PAPPA: variants seen among roughly 807,000 people sequenced by gnomAD.
PAPPA encodes pappalysin 1, also known as pappalysin-1.
PAPPA carries 60 observed loss-of-function variants against 164.0 expected under a neutral mutation model. The ratio of observed to expected loss-of-function variants is 0.37; its 90% CI spans 0.30 to 0.45. The LOEUF (loss-of-function observed/expected upper bound fraction) is 0.45, where lower values mean the gene tolerates loss of function less well. Ranked by LOEUF, PAPPA falls within the 20% of genes least tolerant of loss-of-function variation. The pLI is 1.00. For missense variants in PAPPA, 1,782 were observed against 2,087.3 expected, an observed-to-expected ratio of 0.85 and a Z score of 2.85; for synonymous variants, 875 against 814.1, an observed-to-expected ratio of 1.07 and a Z score of -1.27.
chr9:116,298,823 A>G (rs557396282), intron 9 of PAPPA, among the ~76,000 whole-genome samples: 12 of 152,278 alleles, frequency 7.9e-5, no homozygotes, highest in African/African-American at 2.9e-4. Context: ...ATTATTATCA[A>G]TGCTACCTAG....
intron 18 of PAPPA, among the ~76,000 whole-genome samples, chr9:116,363,872 C>A (rs1332502626): frequency 6.6e-6 from 1 of 152,216 alleles, no homozygotes; most frequent in Non-Finnish European, 1.5e-5. Flanking sequence ...AGCAGAAGTT[C>A]TTCACTGTAA....
intron 13 of PAPPA, among the ~76,000 whole-genome samples, chr9:116,343,148 C>T (rs979012203): frequency 6.6e-6 from 1 of 152,116 alleles, no homozygotes; most frequent in Non-Finnish European, 1.5e-5. Context: ...AAATGAGTAA[C>T]GCTTAGCTCA....
At chr9:116,261,095 C>T (rs943088633) in intron 7 of PAPPA, among the ~76,000 whole-genome samples, 2 of 152,178 alleles carry the variant, frequency 1.3e-5, no homozygotes, top group Non-Finnish European at 2.9e-5. Context: ...TTAGTTTCCT[C>T]ATCTCACAAG....
At chr9:116,374,604 T>C (rs1440614953) in intron 19 of PAPPA, among the ~76,000 whole-genome samples, 1 of 152,236 alleles carries the variant, frequency 6.6e-6, no homozygotes. Context: ...CAAACTCACG[T>C]CAGGTAAACC....
Position 116,153,943 on chromosome 9 carries a change from A to G in PAPPA, c.-230A>G. The G allele has an allele frequency of 3.2e-6, 1 of 314,112 alleles. No homozygotes were observed. 19.5% of individuals were successfully genotyped at this position (314,112 alleles called of 1,614,324 possible). ...ATAAGGCAGATAAAGGAGCGGGGAG[A>G]GAAATTAATTGCCAACCAGGAGGAG... is the stretch of plus-strand genomic sequence containing the variant. On this transcript the variant is annotated 5_prime_UTR_variant, in exon 1 of 22. Coordinates refer to ENST00000328252, the MANE Select transcript of PAPPA (RefSeq NM_002581.5).
intron 5 of PAPPA, among the ~76,000 whole-genome samples, chr9:116,226,707 C>T (rs920118796): frequency 9.9e-5 from 15 of 152,178 alleles, no homozygotes; most frequent in African/African-American, 3.4e-4. Flanking sequence ...CCCAGAGACT[C>T]TATAGCCAAA....
chr9:116,316,625 A>C (rs1298437772), intron 10 of PAPPA: 1 of 152,224 alleles, frequency 6.6e-6, no homozygotes, highest in African/African-American at 2.4e-5. Context: ...TGTACATCAC[A>C]GTCACTGTTT....
In PAPPA at chr9:116,154,562, C is replaced by G. The variant is rs2118963359; in HGVS notation, c.390C>G (p.Gly130=). Residue 130 remains glycine, a synonymous_variant, in exon 1 of 22, where the codon GGC becomes GGG. Transcript: ENST00000328252. The surrounding 1 kb of genome is among the most constrained non-coding windows in gnomAD (Gnocchi z 5.2). Reference sequence around the variant, plus strand: ...AAGTGTGGCTGCGAGCGGAGGGGGGCCAGAGGTCTCCGGCAGTGATCACAG... The same window carrying G: ...AAGTGTGGCTGCGAGCGGAGGGGGGGCAGAGGTCTCCGGCAGTGATCACAG... The part of the protein sequence containing the change: ...TLQVWLRAEG[G]QRSPAVITGL... 1.4e-6 allele frequency: 2 copies of G among 1,403,804 alleles called. No homozygotes were observed. The highest frequency in any genetic ancestry group is 3.1e-5 in the East Asian group (1 of 32,722). The allele number at this position is 1,403,804 out of a possible 1,614,324, so 87.0% of individuals were successfully genotyped here.
chr9:116,304,177 T>C (rs1845615239), intron 10 of PAPPA, among the ~76,000 whole-genome samples: 1 of 152,238 alleles, frequency 6.6e-6, no homozygotes, highest in Admixed American at 6.5e-5. Flanking sequence ...GAAGTATCTA[T>C]TTGTCTGTCT....
Position 116,362,690 on chromosome 9 carries a change from C to A in PAPPA, c.4446C>A (p.Asn1482Lys). 6.2e-7 allele frequency: 1 copy of A among 1,614,064 alleles called. No individual in the cohort carries two copies. The highest frequency in any genetic ancestry group is 8.5e-7 in the Non-Finnish European group (1 of 1,179,978). The change falls in exon 18 of 22, where the codon AAC becomes AAA. Residue 1482 changes from asparagine (N) to lysine (K), a missense_variant. Physicochemically the swap from Asn to Lys is moderately conservative, Grantham distance 94. Transcript: ENST00000328252. Reference sequence around the variant, plus strand: ...TGCAAGGCCAGTGCTCGGTTCCAAACGAGCTCAACAGCAACCTCAAACTGC... The same window carrying A: ...TGCAAGGCCAGTGCTCGGTTCCAAAAGAGCTCAACAGCAACCTCAAACTGC... ...QEMQGQCSVP[N>K]ELNSNLKLQC... is the part of the protein sequence containing the mutation.
chr9:116,304,460 C>G (rs568272983), intron 10 of PAPPA, among the ~76,000 whole-genome samples: 25 of 152,350 alleles, frequency 1.6e-4, no homozygotes, highest in Non-Finnish European at 3.2e-4. Flanking sequence ...AATCCAAATT[C>G]AACACTAGCA....
At chr9:116,172,993 T>A (rs1843790978) in intron 1 of PAPPA, among the ~76,000 whole-genome samples, 1 of 152,120 alleles carries the variant, frequency 6.6e-6, no homozygotes, top group Non-Finnish European at 1.5e-5. Flanking sequence ...TGAGATAGAC[T>A]CTCAGGGAAA....
chr9:116,320,490 T>C lies in PAPPA; in HGVS notation c.3148-10754T>C, dbSNP rs377527638. On this transcript the variant is annotated intron_variant, in intron 10 of 21. Coordinates refer to ENST00000328252, the MANE Select transcript of PAPPA (RefSeq NM_002581.5). ...GAAGCCATCTCTCTGTTTCACACTC[T>C]GGCCCTGCACACAGGAAATGCTTCT... is the stretch of plus-strand genomic sequence containing the variant. 4.6e-5 allele frequency among the ~76,000 whole-genome samples: 7 copies of C among 152,342 alleles called. No homozygotes were observed. In the South Asian group the frequency reaches 1.5e-3, roughly 32 times the overall value.
intron 2 of PAPPA, among the ~76,000 whole-genome samples, chr9:116,202,848 C>A (rs558402876): frequency 6.6e-6 from 1 of 152,126 alleles, no homozygotes; most frequent in Non-Finnish European, 1.5e-5. Flanking sequence ...ATGTATTTAA[C>A]CTTGTTTAAC....
intron 2 of PAPPA, among the ~76,000 whole-genome samples, chr9:116,204,112 A>C (rs1262254341): frequency 6.6e-6 from 1 of 152,160 alleles, no homozygotes; most frequent in Non-Finnish European, 1.5e-5. Flanking sequence ...ATGTGCTGGG[A>C]CTGTGCTGAG....
At chr9:116,228,158 G>T (rs1844539103) in intron 6 of PAPPA, among the ~76,000 whole-genome samples, 1 of 152,182 alleles carries the variant, frequency 6.6e-6, no homozygotes, top group Admixed American at 6.5e-5. Flanking sequence ...AGGAACCAAT[G>T]ATCTCTGTGC....
intron 19 of PAPPA, among the ~76,000 whole-genome samples, chr9:116,377,180 A>G (rs1392572224): frequency 2.0e-5 from 3 of 151,188 alleles, no homozygotes; most frequent in Admixed American, 6.6e-5. Context: ...ATGCACACAT[A>G]CACACACACA....
intron 7 of PAPPA, among the ~76,000 whole-genome samples, chr9:116,263,250 A>AAC (rs958134399): frequency 3.9e-5 from 6 of 152,158 alleles, no homozygotes; most frequent in Non-Finnish European, 7.4e-5. Context: ...GGTAGACGTT[A>AAC]CAGGGACACA....
At chr9:116,225,757 G>A (rs1432552990) in intron 5 of PAPPA, among the ~76,000 whole-genome samples, 23 of 152,034 alleles carry the variant, frequency 1.5e-4, no homozygotes. Context: ...ACAATTTGAA[G>A]GTCTGCACTA....
Sources: allele counts gnomAD v4.1 joint callset (sites outside exome capture counted in the v4.1 genomes callset), GRCh38; gene constraint gnomAD v4.1.1; non-coding constraint Gnocchi (gnomAD v3.1); transcripts MANE v1.5; gene names NCBI Gene and HGNC (gene_info 2026-07-23, HGNC 2026-07-21).